The following ACTA2 variants were observed in gnomAD, a reference collection of about 807,000 sequenced individuals.
The protein encoded by ACTA2 is actin, aortic smooth muscle.
A neutral mutation model predicts 39.5 loss-of-function variants in ACTA2; 12 were observed. That is an observed-to-expected ratio of 0.30 (90% CI 0.19 to 0.49). The LOEUF is 0.49. Ranked by LOEUF, ACTA2 falls within the 20% of genes least tolerant of loss-of-function variation. The probability of loss-of-function intolerance (pLI) is 0.99; values close to 1 mark genes in which losing one functional copy is unlikely to be tolerated. For synonymous variants in ACTA2, 158 were observed against 180.6 expected (o/e 0.88, Z 1.00); for missense variants, 236 against 498.8 (o/e 0.47, Z 5.02).
chr10:88,940,408 G>A (rs1845827063), intron 6 of ACTA2: 1 of 155,526 alleles, frequency 6.4e-6, no homozygotes, highest in Non-Finnish European at 1.4e-5. Context: ...AGCAGAGGAG[G>A]AATGCAATTA....
At position 88,958,752 on chromosome 10, in the gene ACTA2, A is replaced by G. The variant is rs1846178309; in HGVS notation, c.-23-9799T>C. 2.0e-5 allele frequency among the ~76,000 whole-genome samples: 3 copies of G among 152,170 alleles called. No homozygotes were observed. In the South Asian group the frequency reaches 6.2e-4, roughly 31 times the overall value. On this transcript the variant is annotated intron_variant, in intron 1 of 4. Coordinates refer to the ACTA2 transcript ENST00000415557. ...CTTTTCTCTCAAGCTGACTAGACCC[A>G]ACTGCCCCAGCTTCCTAGTGATTGA...
At position 88,948,896 on chromosome 10, in the gene ACTA2, C is replaced by T; in HGVS notation, c.35G>A (p.Cys12Tyr). ...CEEEDSTALVCDNGSGLCKAG... is the reference protein window; with the variant it reads ...CEEEDSTALVYDNGSGLCKAG... ...CTTACAGAGCCCAGAGCCATTGTCACACACCAAGGCAGTGCTGTCCTCTTC... is the reference window on the plus strand; with the variant it reads ...CTTACAGAGCCCAGAGCCATTGTCATACACCAAGGCAGTGCTGTCCTCTTC... Residue 12 changes from cysteine (C) to tyrosine (Y), a missense_variant, in exon 2 of 9, where the codon TGT (cysteine) becomes TAT (tyrosine). Physicochemically the swap from Cys to Tyr is radical, Grantham distance 194. Transcript: ENST00000224784. 2 of 1,613,932 alleles carry T rather than the reference C, an allele frequency of 1.2e-6. No homozygotes were observed. Among genetic ancestry groups the T allele is most frequent in the East Asian group, 4.5e-5 (2 of 44,872 alleles).
In ACTA2 at chr10:88,943,806, T is replaced by A. The variant is rs753798493; in HGVS notation, c.360A>T (p.Lys120Asn). ...GGGGTAGCATACTTACTTGAGTCAT[T>A]TTCTCCCGGTTGGCCTTGGGGTTCA... ...APLNPKANRE[K>N]MTQIMFETFN... Residue 120 changes from lysine to asparagine, a missense_variant, in exon 4 of 9, where the codon AAA (lysine) becomes AAT (asparagine). Physicochemically the swap from Lys to Asn is moderately conservative, Grantham distance 94. Coordinates refer to ENST00000224784, the MANE Select transcript of ACTA2 (RefSeq NM_001613.4). 1 of 1,613,622 alleles carries A rather than the reference T, an allele frequency of 6.2e-7. No homozygotes were observed. Among genetic ancestry groups the A allele is most frequent in the Non-Finnish European group, 8.5e-7 (1 of 1,179,570 alleles).
chr10:88,957,647 A>G (rs1227707958), upstream of ACTA2, among the ~76,000 whole-genome samples: 1 of 152,144 alleles, frequency 6.6e-6, no homozygotes, highest in Non-Finnish European at 1.5e-5. Context: ...CTCTGCCTGA[A>G]ACAGTATTTC....
chr10:88,939,380 C>CT (rs1700492326), intron 7 of ACTA2, 127 bp downstream of exon 7: 3 of 1,302,702 alleles, frequency 2.3e-6, no homozygotes. Context: ...GGCACTTTCC[C>CT]TTTTTCTGGT....
At chr10:88,985,654 C>T (rs2133361959) in intron 1 of ACTA2, among the ~76,000 whole-genome samples, 1 of 152,322 alleles carries the variant, frequency 6.6e-6, no homozygotes, top group African/African-American at 2.4e-5. Context: ...TCCCCCACCC[C>T]CATCCCACTC....
chr10:88,988,334 A>T (rs1183060422), intron 1 of ACTA2, among the ~76,000 whole-genome samples: 2 of 152,206 alleles, frequency 1.3e-5, no homozygotes, highest in African/African-American at 4.8e-5. Flanking sequence ...ATTTAGTAAA[A>T]ACAATTTGGT....
At chr10:88,937,942 C>G in intron 8 of ACTA2, 119 bp downstream of exon 8, 1 of 1,150,470 alleles carries the variant, frequency 8.7e-7, no homozygotes, top group South Asian at 1.3e-5. Flanking sequence ...TGTCCATTAC[C>G]TACCCCTAAA....
upstream of ACTA2, among the ~76,000 whole-genome samples, chr10:88,955,292 G>C (rs1004086044): frequency 3.3e-5 from 5 of 152,216 alleles, 1 homozygote; most frequent in African/African-American, 4.8e-5. Flanking sequence ...ATTGATGTCT[G>C]GTAAGGAAAA....
chr10:88,949,215 C>T (rs905876589), intron 1 of ACTA2, among the ~76,000 whole-genome samples: 5 of 152,242 alleles, frequency 3.3e-5, no homozygotes, highest in African/African-American at 7.2e-5. Flanking sequence ...CATGTGTTCT[C>T]GTGAGCACTT....
rs1290905867 is a variant in ACTA2 at position 88,935,251 on chromosome 10, G to A, written c.1106C>T (p.Pro369Leu). The change falls in exon 9 of 9, where the codon CCT becomes CTT. Residue 369 changes from proline (P) to leucine (L), a missense_variant. Physicochemically the swap from Pro to Leu is moderately conservative, Grantham distance 98 (BLOSUM62 -3). Transcript: ENST00000224784. ...GAAGCATTTGCGGTGGACAATGGAA[G>A]GCCCGGCTTCATCGTATTCCTGTTT... ...ISKQEYDEAG[P>L]SIVHRKCF 2 of 1,613,782 alleles carry A rather than the reference G, an allele frequency of 1.2e-6. No individual in the cohort carries two copies. Among genetic ancestry groups the A allele is most frequent in the East Asian group, 4.5e-5 (2 of 44,866 alleles).
At chr10:88,979,941 G>A (rs551637422) in intron 1 of ACTA2, among the ~76,000 whole-genome samples, 11 of 152,246 alleles carry the variant, frequency 7.2e-5, no homozygotes, top group South Asian at 2.1e-4. Flanking sequence ...TAGTTCTTAC[G>A]TTCAAAGAGC....
At chr10:88,959,133 T>C (rs1297899808) in intron 1 of ACTA2, among the ~76,000 whole-genome samples, 3 of 152,264 alleles carry the variant, frequency 2.0e-5, no homozygotes, top group Non-Finnish European at 4.4e-5. Flanking sequence ...TGACTATTGA[T>C]CATTGAAATG....
chr10:88,969,119 CA>C (rs1846376777), intron 1 of ACTA2, among the ~76,000 whole-genome samples: 1 of 152,096 alleles, frequency 6.6e-6, no homozygotes, highest in South Asian at 2.1e-4. Context: ...ATACTCAAGA[CA>C]AACACTTTTA....
chr10:88,986,941 C>T (rs1388102154), intron 1 of ACTA2, among the ~76,000 whole-genome samples: 1 of 152,150 alleles, frequency 6.6e-6, no homozygotes, highest in Admixed American at 6.5e-5. Context: ...AGGTGATTTG[C>T]ATATGTCATT....
At chr10:88,954,229 G>T (rs1846096916), upstream of ACTA2, among the ~76,000 whole-genome samples, 1 of 152,076 alleles carries the variant, frequency 6.6e-6, no homozygotes, top group South Asian at 2.1e-4. Context: ...TTTGATTAAT[G>T]GTGCCCACAC....
At chr10:88,944,793 G>A (rs993540429) in intron 3 of ACTA2, among the ~76,000 whole-genome samples, 1 of 152,152 alleles carries the variant, frequency 6.6e-6, no homozygotes, top group Non-Finnish European at 1.5e-5. Flanking sequence ...CCTAGATGCC[G>A]AAAAGAACAA....
chr10:88,949,027 C>G (rs542968366), intron 1 of ACTA2, 74 bp from the exon 2 acceptor site: 1 of 1,536,082 alleles, frequency 6.5e-7, no homozygotes, highest in South Asian at 1.1e-5. Context: ...ACTCCCACCT[C>G]CAAGGCTGGG....
intron 1 of ACTA2, among the ~76,000 whole-genome samples, chr10:88,982,118 A>G (rs1846725976): frequency 6.6e-6 from 1 of 152,226 alleles, no homozygotes; most frequent in Non-Finnish European, 1.5e-5. Flanking sequence ...TTTGGTTCAA[A>G]CCCCAGCTCT....
Sources: gnomAD v4.1 joint callset for allele counts (sites outside exome capture counted in the v4.1 genomes callset) on GRCh38, gnomAD v4.1.1 for gene constraint, MANE v1.5 for transcripts, NCBI Gene and HGNC (gene_info 2026-07-23, HGNC 2026-07-21) for gene names.